Variants in KCNA10 observed in about 807,000 individuals in gnomAD.
KCNA10 encodes potassium voltage-gated channel subfamily A member 10.
In KCNA10, 16 loss-of-function variants were observed where a neutral mutation model predicts 21.4. The ratio of observed to expected loss-of-function variants is 0.75; its 90% CI spans 0.51 to 1.14. The LOEUF is 1.14. KCNA10 is among the 50% of genes most tolerant of loss of function. KCNA10 has a pLI of 0.00. For synonymous variants in KCNA10, 276 were observed against 245.9 expected (o/e 1.12, Z -1.15); for missense variants, 677 against 649.1 (o/e 1.04, Z -0.47).
Position 110,517,279 on chromosome 1 carries a change from G to A in KCNA10, c.1509C>T (p.Gly503=). 1 of 1,613,820 alleles carries A rather than the reference G, an allele frequency of 6.2e-7. No homozygotes were observed. Among genetic ancestry groups the A allele is most frequent in the South Asian group, 1.1e-5 (1 of 91,078 alleles). The change falls in exon 1 of 1, where the codon GGC becomes GGT. Residue 503 remains glycine, a synonymous_variant. Coordinates refer to ENST00000369771, the MANE Select transcript of KCNA10 (RefSeq NM_005549.2). ...STDSLNKTNG[G]CSTEKSRK ...ATTTCCTAGACTTCTCTGTGGAACA[G>A]CCACCATTGGTCTTATTAAGAGAGT...
chr1:110,517,571 G>T lies in KCNA10; in HGVS notation c.1217C>A (p.Ser406Tyr), dbSNP rs140196737. The T allele has an allele frequency of 6.2e-6, 10 of 1,614,202 alleles. No individual in the cohort carries two copies. Among genetic ancestry groups the T allele is most frequent in the Non-Finnish European group, 8.5e-6 (10 of 1,180,036 alleles). The change falls in exon 1 of 1, where the codon TCT (serine) becomes TAT (tyrosine). Residue 406 changes from serine (S) to tyrosine (Y), a missense_variant. Ser to Tyr is a moderately radical substitution (Grantham distance 144, BLOSUM62 -2). Coordinates refer to ENST00000369771, the MANE Select transcript of KCNA10 (RefSeq NM_005549.2). ...AEVDEPESHF[S>Y]SIPDGFWWAV... ...CCACCAGAAGCCATCAGGAATGCTA[G>T]AGAAATGGGACTCTGGCTCATCCAC...
Position 110,518,940 on chromosome 1 carries a change from A to T in KCNA10, c.-153T>A, listed in dbSNP as rs1647302707. 3.8e-6 allele frequency: 2 copies of T among 529,512 alleles called. No individual in the cohort carries two copies. The highest frequency in any genetic ancestry group is 6.5e-6 in the Non-Finnish European group (2 of 310,004). 32.8% of individuals were successfully genotyped at this position (529,512 alleles called of 1,614,324 possible). On this transcript the variant is annotated 5_prime_UTR_variant, in exon 1 of 1. Coordinates refer to ENST00000369771, the MANE Select transcript of KCNA10 (RefSeq NM_005549.2). ...AGGTACACCAATGGGCTAATCAATG[A>T]CTTATTTGTAGCTTGGGAAGGAACG...
rs1222307337 is a variant in KCNA10, at chr1:110,518,256, G to A, written c.532C>T (p.Gln178Ter). 3 of 1,614,178 alleles carry A rather than the reference G, an allele frequency of 1.9e-6. No individual in the cohort carries two copies. The highest frequency in any genetic ancestry group is 2.2e-5 in the South Asian group (2 of 91,086). Residue 178 changes from glutamine to a stop codon, truncating the protein, a stop_gained, in exon 1 of 1, where the codon CAG becomes TAG. Coordinates refer to ENST00000369771, the MANE Select transcript of KCNA10 (RefSeq NM_005549.2). LOFTEE classifies it high-confidence loss of function. ...FYELGSEAMD[Q>*]FREDEGFIKD... ...ATGAAGCCTTCATCCTCCCGGAACTGGTCCATGGCCTCACTACCCAGCTCA... is the reference window on the plus strand; with the variant it reads ...ATGAAGCCTTCATCCTCCCGGAACTAGTCCATGGCCTCACTACCCAGCTCA...
chr1:110,518,429 T>G lies in KCNA10; in HGVS notation c.359A>C (p.Gln120Pro). 6.2e-7 allele frequency: 1 copy of G among 1,614,202 alleles called. No individual in the cohort carries two copies. Among genetic ancestry groups the G allele is most frequent in the Non-Finnish European group, 8.5e-7 (1 of 1,180,018 alleles). Residue 120 changes from glutamine to proline, a missense_variant, in exon 1 of 1, where the codon CAG becomes CCG. By Grantham distance (76) the Gln-to-Pro change is moderately conservative. Transcript: ENST00000369771. ...TLLGDREKRM[Q>P]FFDSMRNEYF... ...CTCATTTCTCATGGAGTCAAAGAACTGCATCCTTTTTTCCCGGTCTCCCAG... is the reference window on the plus strand; with the variant it reads ...CTCATTTCTCATGGAGTCAAAGAACGGCATCCTTTTTTCCCGGTCTCCCAG...
In KCNA10 at chr1:110,518,692, G is replaced by A. The variant is rs143296375; in HGVS notation, c.96C>T (p.Phe32=). 1.2e-4 allele frequency: 187 copies of A among 1,613,978 alleles called. No individual in the cohort carries two copies. Among genetic ancestry groups the A allele is most frequent in the African/African-American group, 3.6e-4 (27 of 74,930 alleles). The part of the protein sequence containing the change: ...IQEEPGYATD[F]DSTSPKGRPG... ...GCCGGCCTTTTGGGCTGGTTGAGTCGAAGTCTGTGGCATAGCCTGGCTCTT... is the reference window on the plus strand; with the variant it reads ...GCCGGCCTTTTGGGCTGGTTGAGTCAAAGTCTGTGGCATAGCCTGGCTCTT... Residue 32 remains phenylalanine, a synonymous_variant, in exon 1 of 1, where the codon TTC becomes TTT. Coordinates refer to ENST00000369771, the MANE Select transcript of KCNA10 (RefSeq NM_005549.2).
Position 110,517,519 on chromosome 1 carries a change from G to T in KCNA10, c.1269C>A (p.Gly423=). The T allele has an allele frequency of 6.2e-7, 1 of 1,614,194 alleles. No homozygotes were observed. The highest frequency in any genetic ancestry group is 8.5e-7 in the Non-Finnish European group (1 of 1,180,040). The change falls in exon 1 of 1, where the codon GGC becomes GGA. Residue 423 remains glycine, a synonymous_variant. Transcript: ENST00000369771. ...WWAVVTMTTV[G]YGDMCPTTPG... ...GGGTGGTCGGGCACATGTCCCCATA[G>T]CCTACAGTTGTCATGGTGACCACTG...
rs1449749470 is a variant in KCNA10, at chr1:110,517,587, G to A, written c.1201C>T (p.Pro401Ser). Residue 401 changes from proline to serine, a missense_variant, in exon 1 of 1, where the codon CCA (proline) becomes TCA (serine). Pro to Ser is a moderately conservative substitution (Grantham distance 74). Coordinates refer to ENST00000369771, the MANE Select transcript of KCNA10 (RefSeq NM_005549.2). ...GGAATGCTAGAGAAATGGGACTCTG[G>A]CTCATCCACCTCAGCAAAGTAGACT... ...SAVYFAEVDE[P>S]ESHFSSIPDG... 1 of 1,614,122 alleles carries A rather than the reference G, an allele frequency of 6.2e-7. No individual in the cohort carries two copies. Among genetic ancestry groups the A allele is most frequent in the South Asian group, 1.1e-5 (1 of 91,078 alleles).
chr1:110,518,254 C>T lies in KCNA10; in HGVS notation c.534G>A (p.Gln178=). 6.2e-7 allele frequency: 1 copy of T among 1,614,206 alleles called. No individual in the cohort carries two copies. The highest frequency in any genetic ancestry group is 8.5e-7 in the Non-Finnish European group (1 of 1,180,048). The change falls in exon 1 of 1, where the codon CAG becomes CAA. Residue 178 remains glutamine, a synonymous_variant. Transcript: ENST00000369771. ...FYELGSEAMD[Q]FREDEGFIKD... The stretch of plus-strand genomic sequence containing the variant: ...TGATGAAGCCTTCATCCTCCCGGAA[C>T]TGGTCCATGGCCTCACTACCCAGCT...
At position 110,517,867 on chromosome 1, in the gene KCNA10, A is replaced by G; in HGVS notation, c.921T>C (p.Ile307=). The change falls in exon 1 of 1, where the codon ATT becomes ATC. Residue 307 remains isoleucine (I), a synonymous_variant. Coordinates refer to ENST00000369771, the MANE Select transcript of KCNA10 (RefSeq NM_005549.2). ...AGTAGGGGATAATGGAGATGATGTCAATGATGTTCATGATGTTCCTGAAGA... is the reference window on the plus strand; with the variant it reads ...AGTAGGGGATAATGGAGATGATGTCGATGATGTTCATGATGTTCCTGAAGA... The part of the protein sequence containing the change: ...TDFFRNIMNI[I]DIISIIPYFA... The G allele has an allele frequency of 4.3e-6, 7 of 1,614,058 alleles. No individual in the cohort carries two copies. The highest frequency in any genetic ancestry group is 5.1e-6 in the Non-Finnish European group (6 of 1,180,002).
In KCNA10 at chr1:110,518,653, G is replaced by A; in HGVS notation, c.135C>T (p.Ser45=). The A allele has an allele frequency of 3.1e-6, 5 of 1,614,212 alleles. No individual in the cohort carries two copies. The highest frequency in any genetic ancestry group is 4.2e-6 in the Non-Finnish European group (5 of 1,180,036). ...TSPKGRPGGS[S]FSNGKILISE... The stretch of plus-strand genomic sequence containing the variant: ...TGATGAGGATCTTCCCGTTGGAGAA[G>A]GAGCTGCCCCCAGGCCGGCCTTTTG... Residue 45 remains serine (S), a synonymous_variant, in exon 1 of 1, where the codon TCC becomes TCT. Coordinates refer to ENST00000369771, the MANE Select transcript of KCNA10 (RefSeq NM_005549.2).
rs1647288525 is a variant in KCNA10 at position 110,518,466 on chromosome 1, G to A, written c.322C>T (p.Pro108Ser). Residue 108 changes from proline to serine, a missense_variant, in exon 1 of 1, where the codon CCA becomes TCA. Coordinates refer to ENST00000369771, the MANE Select transcript of KCNA10 (RefSeq NM_005549.2). The stretch of plus-strand genomic sequence containing the variant: ...TCCCGGTCTCCCAGGAGAGTCTCTG[G>A]GAACTGACTAAGGGTTCTGAGCTGG... Reference protein sequence around the residue: ...ETQLRTLSQFPETLLGDREKR... With the variant: ...ETQLRTLSQFSETLLGDREKR... 1 of 1,614,184 alleles carries A rather than the reference G, an allele frequency of 6.2e-7. No individual in the cohort carries two copies. The highest frequency in any genetic ancestry group is 1.1e-5 in the South Asian group (1 of 91,078).
chr1:110,518,425 G>T lies in KCNA10; in HGVS notation c.363C>A (p.Phe121Leu). 1 of 1,614,206 alleles carries T rather than the reference G, an allele frequency of 6.2e-7. No homozygotes were observed. The change falls in exon 1 of 1, where the codon TTC becomes TTA. Residue 121 changes from phenylalanine (F) to leucine (L), a missense_variant. Coordinates refer to ENST00000369771, the MANE Select transcript of KCNA10 (RefSeq NM_005549.2). The part of the protein sequence containing the change: ...LLGDREKRMQ[F>L]FDSMRNEYFF... ...AATACTCATTTCTCATGGAGTCAAA[G>T]AACTGCATCCTTTTTTCCCGGTCTC...
chr1:110,517,930 C>G lies in KCNA10; in HGVS notation c.858G>C (p.Leu286=). Residue 286 remains leucine, a synonymous_variant, in exon 1 of 1, where the codon CTG becomes CTC. Transcript: ENST00000369771. The part of the protein sequence containing the change: ...STCIVWFTFE[L]VLRFVVCPSK... The stretch of plus-strand genomic sequence containing the variant: ...TGGGGCAGACCACGAACCGGAGCAC[C>G]AGCTCGAAGGTGAACCACACGATGC... The G allele has an allele frequency of 6.2e-7, 1 of 1,613,762 alleles. No homozygotes were observed. The highest frequency in any genetic ancestry group is 8.5e-7 in the Non-Finnish European group (1 of 1,180,024).
At position 110,517,388 on chromosome 1, in the gene KCNA10, T is replaced by C. The variant is rs778282986; in HGVS notation, c.1400A>G (p.Glu467Gly). 5.0e-6 allele frequency: 8 copies of C among 1,614,158 alleles called. No homozygotes were observed. The highest frequency in any genetic ancestry group is 6.8e-6 in the Non-Finnish European group (8 of 1,180,012). ...VSNFNYFYHRETENEEKQNIP... is the reference protein window; with the variant it reads ...VSNFNYFYHRGTENEEKQNIP... ...GTTCTGCTTTTCTTCATTCTCAGTC[T>C]CCCGGTGGTAGAAGTAATTGAAGTT... Residue 467 changes from glutamate to glycine, a missense_variant, in exon 1 of 1, where the codon GAG becomes GGG. Physicochemically the swap from Glu to Gly is moderately conservative, Grantham distance 98 (BLOSUM62 -2). Coordinates refer to ENST00000369771, the MANE Select transcript of KCNA10 (RefSeq NM_005549.2).
rs1305081057 is a variant in KCNA10, at chr1:110,517,866, C to G, written c.922G>C (p.Asp308His). 1.2e-6 allele frequency: 2 copies of G among 1,613,952 alleles called. No individual in the cohort carries two copies. The highest frequency in any genetic ancestry group is 1.3e-5 in the African/African-American group (1 of 74,904). ...AAGTAGGGGATAATGGAGATGATGT[C>G]AATGATGTTCATGATGTTCCTGAAG... ...DFFRNIMNII[D>H]IISIIPYFAT... Residue 308 changes from aspartate (D) to histidine (H), a missense_variant, in exon 1 of 1, where the codon GAC becomes CAC. Physicochemically the swap from Asp to His is moderately conservative, Grantham distance 81. Coordinates refer to ENST00000369771, the MANE Select transcript of KCNA10 (RefSeq NM_005549.2).
chr1:110,518,679 G>A lies in KCNA10; in HGVS notation c.109C>T (p.Pro37Ser), dbSNP rs772959099. The change falls in exon 1 of 1, where the codon CCA (proline) becomes TCA (serine). Residue 37 changes from proline (P) to serine (S), a missense_variant. Physicochemically the swap from Pro to Ser is moderately conservative, Grantham distance 74. Transcript: ENST00000369771. The part of the protein sequence containing the change: ...GYATDFDSTS[P>S]KGRPGGSSFS... ...GAGCTGCCCCCAGGCCGGCCTTTTG[G>A]GCTGGTTGAGTCGAAGTCTGTGGCA... The A allele has an allele frequency of 3.1e-6, 5 of 1,614,138 alleles. No homozygotes were observed. The highest frequency in any genetic ancestry group is 3.3e-4 in the Middle Eastern group (2 of 6,062).
rs1647265673 is a variant in KCNA10 at position 110,517,981 on chromosome 1, G to A, written c.807C>T (p.Asp269=). 2.5e-6 allele frequency: 4 copies of A among 1,613,794 alleles called. No homozygotes were observed. Among genetic ancestry groups the A allele is most frequent in the Admixed American group, 1.7e-5 (1 of 59,992 alleles). Residue 269 remains aspartate, a synonymous_variant, in exon 1 of 1, where the codon GAC becomes GAT. Coordinates refer to ENST00000369771, the MANE Select transcript of KCNA10 (RefSeq NM_005549.2). ...KTVLSQTMFT[D]PFFMVESTCI... is the part of the protein sequence containing the mutation. ...AGGTAGACTCCACCATGAAGAAAGG[G>A]TCGGTGAACATGGTCTGGGAGAGGA... is the stretch of plus-strand genomic sequence containing the variant.
At position 110,517,629 on chromosome 1, in the gene KCNA10, T is replaced by C; in HGVS notation, c.1159A>G (p.Ile387Val). 1.2e-6 allele frequency: 2 copies of C among 1,614,174 alleles called. No homozygotes were observed. The highest frequency in any genetic ancestry group is 1.7e-6 in the Non-Finnish European group (2 of 1,180,018). Residue 387 changes from isoleucine (I) to valine (V), a missense_variant, in exon 1 of 1, where the codon ATC (isoleucine) becomes GTC (valine). By Grantham distance (29) the Ile-to-Val change is conservative (BLOSUM62 3). Coordinates refer to ENST00000369771, the MANE Select transcript of KCNA10 (RefSeq NM_005549.2). ...LLIFFLFIGV[I>V]LFSSAVYFAE... ...AAGTAGACTGCACTGGAGAAGAGGA[T>C]GACTCCAATGAAGAGAAAGAAGATG...
Position 110,518,572 on chromosome 1 carries a change from G to C in KCNA10, c.216C>G (p.Asp72Glu), listed in dbSNP as rs140376600. The change falls in exon 1 of 1, where the codon GAC (aspartate) becomes GAG (glutamate). Residue 72 changes from aspartate (D) to glutamate (E), a missense_variant. Coordinates refer to ENST00000369771, the MANE Select transcript of KCNA10 (RefSeq NM_005549.2). ...AFSKLPGDYA[D>E]PPGPEPVVLN... ...GGACCACTGGCTCAGGCCCTGGGGG[G>C]TCAGCATAGTCTCCCGGAAGCTTGG... 773 of 1,614,186 alleles carry C rather than the reference G, an allele frequency of 4.8e-4. 5 individuals carry two copies. The highest frequency in any genetic ancestry group is 1.9e-3 in the South Asian group (175 of 91,076).
Sources: gnomAD v4.1 joint callset for allele counts on GRCh38, gnomAD v4.1.1 for gene constraint, MANE v1.5 for transcripts, NCBI Gene and HGNC (gene_info 2026-07-23, HGNC 2026-07-21) for gene names.